The following HTR1B variants were observed in gnomAD, a reference collection of about 807,000 sequenced individuals.
HTR1B encodes 5-hydroxytryptamine (serotonin) receptor 1B, G protein-coupled.
Under a neutral mutation model 25.3 loss-of-function variants are expected in HTR1B, and 12 were observed. The observed-to-expected ratio is 0.47, with a 90% CI of 0.30 to 0.77. HTR1B has a LOEUF of 0.77. HTR1B is among the 30% of genes least tolerant of loss of function. The pLI, the probability that HTR1B is intolerant of heterozygous loss-of-function variation, is 0.06. For missense variants in HTR1B, 453 were observed against 503.0 expected, an observed-to-expected ratio of 0.90 and a Z score of 0.95; for synonymous variants, 224 against 219.1, an observed-to-expected ratio of 1.02 and a Z score of -0.20.
Position 77,463,091 on chromosome 6 carries a change from T to A in HTR1B, c.313A>T (p.Ile105Phe). 6.2e-7 allele frequency: 1 copy of A among 1,614,160 alleles called. No individual in the cohort carries two copies. Among genetic ancestry groups the A allele is most frequent in the Non-Finnish European group, 8.5e-7 (1 of 1,180,032 alleles). The change falls in exon 1 of 1, where the codon ATC becomes TTC. Residue 105 changes from isoleucine to phenylalanine, a missense_variant. Transcript: ENST00000369947. ...CCGGTGACAGTGTACATGGTGCTGA[T>A]GGGCATCACCAGGATGGACACAAGC... Reference protein sequence around the residue: ...DLLVSILVMPISTMYTVTGRW... With the variant: ...DLLVSILVMPFSTMYTVTGRW...
At position 77,462,894 on chromosome 6, in the gene HTR1B, G is replaced by C; in HGVS notation, c.510C>G (p.Ile170Met). 2 of 1,614,008 alleles carry C rather than the reference G, an allele frequency of 1.2e-6. No homozygotes were observed. Among genetic ancestry groups the C allele is most frequent in the Non-Finnish European group, 1.7e-6 (2 of 1,180,054 alleles). ...AGATGGAGAAGACCCACACCAGCGC[G>C]ATCATGACCGCCGCCCTCTTGGGAG... ...KRTPKRAAVM[I>M]ALVWVFSISI... is the part of the protein sequence containing the mutation. Residue 170 changes from isoleucine (I) to methionine (M), a missense_variant, in exon 1 of 1, where the codon ATC (isoleucine) becomes ATG (methionine). By Grantham distance (10) the Ile-to-Met change is conservative. Around this residue, in one of 3 missense-constraint regions of HTR1B, gnomAD observed 289 missense variants for 319.6 expected, o/e 0.90. Transcript: ENST00000369947. The surrounding 1 kb of genome is among the most constrained non-coding windows in gnomAD (Gnocchi z 4.9).
In HTR1B at chr6:77,463,212, C is replaced by A. The variant is rs775545791; in HGVS notation, c.192G>T (p.Thr64=). ...TGGCAATCACAAAGGCATTGGAGAG[C>A]GTGGTGGCCAAGGTGATGAGCGCCA... ...MLLALITLAT[T]LSNAFVIATV... is the part of the protein sequence containing the mutation. The change falls in exon 1 of 1, where the codon ACG becomes ACT. Residue 64 remains threonine (T), a synonymous_variant. Transcript: ENST00000369947. The A allele has an allele frequency of 1.9e-6, 3 of 1,614,230 alleles. No individual in the cohort carries two copies. The highest frequency in any genetic ancestry group is 1.7e-6 in the Non-Finnish European group (2 of 1,180,050).
At position 77,462,476 on chromosome 6, in the gene HTR1B, G is replaced by T. The variant is rs200913945; in HGVS notation, c.928C>A (p.Arg310Ser). 9.3e-6 allele frequency: 15 copies of T among 1,613,918 alleles called. No homozygotes were observed. Among genetic ancestry groups the T allele is most frequent in the Non-Finnish European group, 1.2e-5 (14 of 1,179,990 alleles). Residue 310 changes from arginine (R) to serine (S), a missense_variant, in exon 1 of 1, where the codon CGC (arginine) becomes AGC (serine). This residue lies in a region of HTR1B where 289 missense variants were observed against 319.6 expected (regional missense o/e 0.90). Transcript: ENST00000369947. The surrounding 1 kb of genome is among the most constrained non-coding windows in gnomAD (Gnocchi z 4.9). ...ATCCCTAGGGTCTTGGTGGCTTTGC[G>T]CTCCCTAGCGGCCATGAGTTTCTTC... ...EKKKLMAARE[R>S]KATKTLGIIL...
Position 77,462,093 on chromosome 6 carries a change from C to T in HTR1B, c.*138G>A, listed in dbSNP as rs1282790186. The T allele has an allele frequency of 1.6e-6, 1 of 637,840 alleles. No homozygotes were observed. Among genetic ancestry groups the T allele is most frequent in the Non-Finnish European group, 2.8e-6 (1 of 360,410 alleles). The allele number at this position is 637,840 out of a possible 1,614,324, so 39.5% of individuals were successfully genotyped here. ...CTCTCTCAGGACTATTCTGGCTTCT[C>T]AGGATCCATTGCCCTTGCCCAGGAG... On this transcript the variant is annotated 3_prime_UTR_variant, in exon 1 of 1. Coordinates refer to ENST00000369947, the MANE Select transcript of HTR1B (RefSeq NM_000863.3). This position sits in a 1 kb window ranked among gnomAD's most constrained non-coding sequence, Gnocchi z 4.9.
In HTR1B at chr6:77,463,488, G is replaced by C. The variant is rs1766175706; in HGVS notation, c.-85C>G. Reference sequence around the variant, plus strand: ...GGCGGAAGGACCGTGGCGATCGCAGGTTTGTCCCCAGTTGATAGTTCCGTG... The same window carrying C: ...GGCGGAAGGACCGTGGCGATCGCAGCTTTGTCCCCAGTTGATAGTTCCGTG... On this transcript the variant is annotated 5_prime_UTR_variant, in exon 1 of 1. Transcript: ENST00000369947. The C allele has an allele frequency of 2.6e-6, 3 of 1,163,730 alleles. No individual in the cohort carries two copies. The African/African-American group carries it at 4.6e-5, about 18-fold the overall frequency. 72.1% of individuals were successfully genotyped at this position (1,163,730 alleles called of 1,614,324 possible).
chr6:77,463,140 G>C lies in HTR1B; in HGVS notation c.264C>G (p.Ile88Met), dbSNP rs267601132. The change falls in exon 1 of 1, where the codon ATC (isoleucine) becomes ATG (methionine). Residue 88 changes from isoleucine to methionine, a missense_variant. Around this residue, in one of 3 missense-constraint regions of HTR1B, gnomAD observed 129 missense variants for 118.3 expected, o/e 1.09. Transcript: ENST00000369947. ...GCAGGTCGGTGACCGCCAGAGAGGC[G>C]ATCAGGTAGTTAGCCGGGGTGTGCA... is the stretch of plus-strand genomic sequence containing the variant. Reference protein sequence around the residue: ...RKLHTPANYLIASLAVTDLLV... With the variant: ...RKLHTPANYLMASLAVTDLLV... The C allele has an allele frequency of 6.2e-7, 1 of 1,614,230 alleles. No homozygotes were observed. The highest frequency in any genetic ancestry group is 8.5e-7 in the Non-Finnish European group (1 of 1,180,050).
rs780004721 is a variant in HTR1B, at chr6:77,463,371, C to T, written c.33G>A (p.Pro11=). 2 of 1,613,428 alleles carry T rather than the reference C, an allele frequency of 1.2e-6. No individual in the cohort carries two copies. The highest frequency in any genetic ancestry group is 1.7e-6 in the Non-Finnish European group (2 of 1,179,898). ...CCCAGGTCTCGGAGCCCGCGGGCGG[C>T]GGTGGAGCGCACTGAGCACCCGGTT... is the stretch of plus-strand genomic sequence containing the variant. MEEPGAQCAP[P]PPAGSETWVP... is the part of the protein sequence containing the mutation. Residue 11 remains proline, a synonymous_variant, in exon 1 of 1, where the codon CCG becomes CCA. Transcript: ENST00000369947.
Position 77,462,337 on chromosome 6 carries a change from C to T in HTR1B, c.1067G>A (p.Trp356Ter), listed in dbSNP as rs1237732695. 6.2e-7 allele frequency: 1 copy of T among 1,614,036 alleles called. No homozygotes were observed. The highest frequency in any genetic ancestry group is 8.5e-7 in the Non-Finnish European group (1 of 1,179,960). The change falls in exon 1 of 1, where the codon TGG (tryptophan) becomes TAG (stop). Residue 356 changes from tryptophan to a stop codon, truncating the protein, a stop_gained. Transcript: ENST00000369947. LOFTEE classifies it high-confidence loss of function. The surrounding 1 kb of genome is among the most constrained non-coding windows in gnomAD (Gnocchi z 4.9). ...FHLAIFDFFT[W>*]LGYLNSLINP... is the part of the protein sequence containing the mutation. ...GATGAGGGAGTTGAGATAGCCCAGC[C>T]ATGTGAAGAAGTCAAAGATGGCTAG...
rs1273517791 is a variant in HTR1B, at chr6:77,462,389, T to C, written c.1015A>G (p.Ile339Val). ...TGGAACCAGCAGGCATCTTTGCAGATAGGCATCACTAGGGAGATGATGAAG... is the reference window on the plus strand; with the variant it reads ...TGGAACCAGCAGGCATCTTTGCAGACAGGCATCACTAGGGAGATGATGAAG... ...PFFIISLVMP[I>V]CKDACWFHLA... Residue 339 changes from isoleucine (I) to valine (V), a missense_variant, in exon 1 of 1, where the codon ATC becomes GTC. Transcript: ENST00000369947. The surrounding 1 kb of genome is among the most constrained non-coding windows in gnomAD (Gnocchi z 4.9). 7 of 1,613,992 alleles carry C rather than the reference T, an allele frequency of 4.3e-6. No homozygotes were observed. Among genetic ancestry groups the C allele is most frequent in the Non-Finnish European group, 5.9e-6 (7 of 1,180,008 alleles).
At position 77,462,905 on chromosome 6, in the gene HTR1B, C is replaced by T; in HGVS notation, c.499G>A (p.Ala167Thr). ...ACCCACACCAGCGCGATCATGACCG[C>T]CGCCCTCTTGGGAGTCCTTTTAGCT... ...YSAKRTPKRA[A>T]VMIALVWVFS... Residue 167 changes from alanine (A) to threonine (T), a missense_variant, in exon 1 of 1, where the codon GCG (alanine) becomes ACG (threonine). Coordinates refer to ENST00000369947, the MANE Select transcript of HTR1B (RefSeq NM_000863.3). This position sits in a 1 kb window ranked among gnomAD's most constrained non-coding sequence, Gnocchi z 4.9. 1 of 1,614,030 alleles carries T rather than the reference C, an allele frequency of 6.2e-7. No individual in the cohort carries two copies. The highest frequency in any genetic ancestry group is 8.5e-7 in the Non-Finnish European group (1 of 1,180,038).
In HTR1B at chr6:77,461,014, T is replaced by C. The variant is rs983293940; in HGVS notation, c.*1217A>G. 1.3e-5 allele frequency among the ~76,000 whole-genome samples: 2 copies of C among 152,198 alleles called. No homozygotes were observed. The highest frequency in any genetic ancestry group is 2.9e-5 in the Non-Finnish European group (2 of 68,040). ...TTCTGGAGAAGGAAGATAGTTCTCT[T>C]GGTTTCTTTATATGTTAGCACACAA... On this transcript the variant is annotated 3_prime_UTR_variant, in exon 1 of 1. Transcript: ENST00000369947.
chr6:77,461,771 C>CAAAACTTAATG lies in HTR1B; in HGVS notation c.*459_*460insCATTAAGTTTT, dbSNP rs1491399235. On this transcript the variant is annotated 3_prime_UTR_variant, in exon 1 of 1. Transcript: ENST00000369947. ...AAATTAAGCTGTAACACAAAGTTCT[C>CAAAACTTAATG]CCCCCAAAAACACAGGGCATTAAGC... The CAAAACTTAATG allele has an allele frequency of 1.5e-5, 1 of 65,364 alleles. No homozygotes were observed. The highest frequency in any genetic ancestry group is 2.5e-4 in the East Asian group (1 of 4,024). 4.0% of individuals were successfully genotyped at this position (65,364 alleles called of 1,614,324 possible).
Position 77,462,769 on chromosome 6 carries a change from G to A in HTR1B, c.635C>T (p.Ser212Phe). The change falls in exon 1 of 1, where the codon TCC (serine) becomes TTC (phenylalanine). Residue 212 changes from serine to phenylalanine, a missense_variant. Ser to Phe is a radical substitution (Grantham distance 155). This residue lies in a region of HTR1B where 289 missense variants were observed against 319.6 expected (regional missense o/e 0.90). Transcript: ENST00000369947. The surrounding 1 kb of genome is among the most constrained non-coding windows in gnomAD (Gnocchi z 4.9). ...NTDHILYTVY[S>F]TVGAFYFPTL... is the part of the protein sequence containing the mutation. ...GGGGAAGTAGAAAGCACCCACCGTG[G>A]AGTAGACCGTGTAGAGGATGTGGTC... The A allele has an allele frequency of 6.2e-7, 1 of 1,614,046 alleles. No individual in the cohort carries two copies. The highest frequency in any genetic ancestry group is 1.1e-5 in the South Asian group (1 of 91,088).
Position 77,463,248 on chromosome 6 carries a change from C to A in HTR1B, c.156G>T (p.Leu52=), listed in dbSNP as rs1223443127. Residue 52 remains leucine, a synonymous_variant, in exon 1 of 1, where the codon CTG becomes CTT. Coordinates refer to ENST00000369947, the MANE Select transcript of HTR1B (RefSeq NM_000863.3). ...AGGTGATGAGCGCCAATAGCATAAC[C>A]AGCAGTACTTTCCAGGGTAGGGAGA... ...DSISLPWKVL[L]VMLLALITLA... 6.2e-7 allele frequency: 1 copy of A among 1,614,224 alleles called. No individual in the cohort carries two copies. The highest frequency in any genetic ancestry group is 8.5e-7 in the Non-Finnish European group (1 of 1,180,040).
Position 77,462,160 on chromosome 6 carries a change from G to C in HTR1B, c.*71C>G. ...ACCCAGAAACCGCGAAAGAAGATTC[G>C]ACCTACCTGTGGAACCAGACACAAC... On this transcript the variant is annotated 3_prime_UTR_variant, in exon 1 of 1. Coordinates refer to ENST00000369947, the MANE Select transcript of HTR1B (RefSeq NM_000863.3). The surrounding 1 kb of genome is among the most constrained non-coding windows in gnomAD (Gnocchi z 4.9). The C allele has an allele frequency of 9.5e-7, 1 of 1,050,858 alleles. No homozygotes were observed. The highest frequency in any genetic ancestry group is 1.4e-6 in the Non-Finnish European group (1 of 700,932). The allele number at this position is 1,050,858 out of a possible 1,614,324, so 65.1% of individuals were successfully genotyped here.
At position 77,462,856 on chromosome 6, in the gene HTR1B, G is replaced by A. The variant is rs199934430; in HGVS notation, c.548C>T (p.Pro183Leu). Reference protein sequence around the residue: ...VWVFSISISLPPFFWRQAKAE... With the variant: ...VWVFSISISLLPFFWRQAKAE... ...CTTAGCCTGACGCCAGAAGAAGGGC[G>A]GCAGCGAGATAGAGATGGAGAAGAC... is the stretch of plus-strand genomic sequence containing the variant. The change falls in exon 1 of 1, where the codon CCG becomes CTG. Residue 183 changes from proline (P) to leucine (L), a missense_variant. Around this residue, in one of 3 missense-constraint regions of HTR1B, gnomAD observed 289 missense variants for 319.6 expected, o/e 0.90. Coordinates refer to ENST00000369947, the MANE Select transcript of HTR1B (RefSeq NM_000863.3). This position sits in a 1 kb window ranked among gnomAD's most constrained non-coding sequence, Gnocchi z 4.9. The A allele has an allele frequency of 8.1e-6, 13 of 1,613,908 alleles. No homozygotes were observed. Among genetic ancestry groups the A allele is most frequent in the Non-Finnish European group, 1.1e-5 (13 of 1,180,046 alleles).
rs143631612 is a variant in HTR1B at position 77,463,365 on chromosome 6, G to C, written c.39C>G (p.Pro13=). Residue 13 remains proline (P), a synonymous_variant, in exon 1 of 1, where the codon CCC becomes CCG. Coordinates refer to ENST00000369947, the MANE Select transcript of HTR1B (RefSeq NM_000863.3). The part of the protein sequence containing the change: ...EPGAQCAPPP[P]AGSETWVPQA... Reference sequence around the variant, plus strand: ...GAGGAACCCAGGTCTCGGAGCCCGCGGGCGGCGGTGGAGCGCACTGAGCAC... The same window carrying C: ...GAGGAACCCAGGTCTCGGAGCCCGCCGGCGGCGGTGGAGCGCACTGAGCAC... The C allele has an allele frequency of 1.2e-6, 2 of 1,613,626 alleles. No homozygotes were observed. Among genetic ancestry groups the C allele is most frequent in the African/African-American group, 1.3e-5 (1 of 74,924 alleles).
Position 77,462,548 on chromosome 6 carries a change from A to C in HTR1B, c.856T>G (p.Tyr286Asp). The C allele has an allele frequency of 6.2e-7, 1 of 1,613,576 alleles. No homozygotes were observed. The highest frequency in any genetic ancestry group is 8.5e-7 in the Non-Finnish European group (1 of 1,180,006). ...DVPSESGSPV[Y>D]VNQVKVRVSD... ...ACTCGCACTTTGACTTGGTTCACAT[A>C]CACAGGAGATCCGGATTCGCTGGGC... Residue 286 changes from tyrosine (Y) to aspartate (D), a missense_variant, in exon 1 of 1, where the codon TAT becomes GAT. Physicochemically the swap from Tyr to Asp is radical, Grantham distance 160. Around this residue, in one of 3 missense-constraint regions of HTR1B, gnomAD observed 289 missense variants for 319.6 expected, o/e 0.90. Coordinates refer to ENST00000369947, the MANE Select transcript of HTR1B (RefSeq NM_000863.3). This position sits in a 1 kb window ranked among gnomAD's most constrained non-coding sequence, Gnocchi z 4.9.
In HTR1B at chr6:77,463,155, C is replaced by A. The variant is rs780680977; in HGVS notation, c.249G>T (p.Pro83=). ...CCAGAGAGGCGATCAGGTAGTTAGCCGGGGTGTGCAGTTTCCGGGTCCGGT... is the reference window on the plus strand; with the variant it reads ...CCAGAGAGGCGATCAGGTAGTTAGCAGGGGTGTGCAGTTTCCGGGTCCGGT... The part of the protein sequence containing the change: ...TVYRTRKLHT[P]ANYLIASLAV... The change falls in exon 1 of 1, where the codon CCG becomes CCT. Residue 83 remains proline (P), a synonymous_variant. Coordinates refer to ENST00000369947, the MANE Select transcript of HTR1B (RefSeq NM_000863.3). The A allele has an allele frequency of 3.1e-6, 5 of 1,614,202 alleles. No individual in the cohort carries two copies. The highest frequency in any genetic ancestry group is 2.2e-5 in the East Asian group (1 of 44,866).
Sources: gnomAD v4.1 joint callset for allele counts (sites outside exome capture counted in the v4.1 genomes callset) on GRCh38, gnomAD v4.1.1 for gene constraint, gnomAD v4.1.1 regional missense constraint, Gnocchi (gnomAD v3.1) non-coding constraint, MANE v1.5 for transcripts, NCBI Gene and HGNC (gene_info 2026-07-23, HGNC 2026-07-21) for gene names.